The following GAB1 variants were observed in gnomAD, a reference collection of about 807,000 sequenced individuals.
GAB1 encodes GRB2 associated binding protein 1, also known as GRB2-associated-binding protein 1.
In GAB1, 19 loss-of-function variants were observed where a neutral mutation model predicts 66.5. The observed-to-expected ratio is 0.29, with a 90% CI of 0.20 to 0.42. GAB1 has a LOEUF of 0.42. Among genes scored for constraint, GAB1 ranks in the 10% least tolerant of loss-of-function variants. The probability of loss-of-function intolerance (pLI) is 1.00; values close to 1 mark genes in which losing one functional copy is unlikely to be tolerated. For missense variants in GAB1, 732 were observed against 858.5 expected (o/e 0.85, Z 1.84); for synonymous variants, 294 against 301.4 (o/e 0.98, Z 0.25).
intron 1 of GAB1, among the ~76,000 whole-genome samples, chr4:143,361,722 A>G (rs1225629873): frequency 1.3e-5 from 2 of 152,024 alleles, no homozygotes; most frequent in Admixed American, 1.3e-4. Context: ...TGCCTTTGGG[A>G]ACTGCATCAC....
rs1247778016 is a variant in GAB1, at chr4:143,471,309, G to A, written c.*2120G>A. ...TTTTCATTCTGAATAATTTAAAAAT[G>A]GTGATGTATTAGAAAGGCAGTTTGC... On this transcript the variant is annotated 3_prime_UTR_variant, in exon 10 of 10. Coordinates refer to ENST00000262994, the MANE Select transcript of GAB1 (RefSeq NM_002039.4). The A allele has an allele frequency of 6.6e-6, 1 of 152,072 alleles. No individual in the cohort carries two copies. Among genetic ancestry groups the A allele is most frequent in the Non-Finnish European group, 1.5e-5 (1 of 67,982 alleles). 9.4% of individuals were successfully genotyped at this position (152,072 alleles called of 1,614,324 possible).
intron 6 of GAB1, among the ~76,000 whole-genome samples, chr4:143,455,721 G>T (rs150717277): frequency 1.1e-4 from 16 of 152,326 alleles, no homozygotes; most frequent in African/African-American, 3.1e-4. Flanking sequence ...AGACATAAGT[G>T]TAGGAATGAG....
At chr4:143,372,267 G>A (rs991576137) in intron 1 of GAB1, among the ~76,000 whole-genome samples, 8 of 152,026 alleles carry the variant, frequency 5.3e-5, no homozygotes, top group Non-Finnish European at 7.4e-5. Context: ...TAGTTCTTCC[G>A]TTTGCTATTC....
At chr4:143,429,148 G>A (rs1189951280) in intron 2 of GAB1, among the ~76,000 whole-genome samples, 1 of 152,134 alleles carries the variant, frequency 6.6e-6, no homozygotes. Flanking sequence ...TATTGCCCAG[G>A]TGAGAGTGCA....
At chr4:143,446,714 G>C (rs1734569891) in intron 6 of GAB1, among the ~76,000 whole-genome samples, 1 of 152,086 alleles carries the variant, frequency 6.6e-6, no homozygotes, top group Non-Finnish European at 1.5e-5. Flanking sequence ...AGATGAGTAG[G>C]TTGCGAAAAT....
chr4:143,380,870 T>C (rs1482101690), intron 1 of GAB1: 1 of 152,268 alleles, frequency 6.6e-6, no homozygotes, highest in Non-Finnish European at 1.5e-5. Flanking sequence ...ATGCCAGATA[T>C]GCTTTCCGTT....
chr4:143,473,207 A>G lies in GAB1; in HGVS notation c.*4018A>G, dbSNP rs1736156271. 6.6e-6 allele frequency: 1 copy of G among 152,212 alleles called. No homozygotes were observed. Among genetic ancestry groups the G allele is most frequent in the African/African-American group, 2.4e-5 (1 of 41,456 alleles). The allele number at this position is 152,212 out of a possible 1,614,324, so 9.4% of individuals were successfully genotyped here. A position where few individuals can be genotyped will look rare whatever the true frequency, so the allele number is the denominator to read the frequency against. On this transcript the variant is annotated 3_prime_UTR_variant, in exon 10 of 10. Transcript: ENST00000262994. ...TCCCAAATTTTGACAACAAAATCAT[A>G]TGTATAAATTTATTTCTCCCCTCTT...
intron 1 of GAB1, chr4:143,349,565 C>G (rs925678980): frequency 6.6e-7 from 1 of 1,504,102 alleles, no homozygotes. Context: ...CCCCTGGGTG[C>G]AGGGATGAGG....
Position 143,415,485 on chromosome 4 carries a change from G to A in GAB1, c.81G>A (p.Lys27=), listed in dbSNP as rs1338275612. 6.2e-7 allele frequency: 1 copy of A among 1,600,474 alleles called. No homozygotes were observed. The highest frequency in any genetic ancestry group is 1.3e-5 in the African/African-American group (1 of 74,456). ...PEKKLKRYAW[K]RRWFVLRSGR... Reference sequence around the variant, plus strand: ...TTTTGTTTTGTTTCTAGGCATGGAAGAGGAGATGGTTCGTGTTACGCAGTG... The same window carrying A: ...TTTTGTTTTGTTTCTAGGCATGGAAAAGGAGATGGTTCGTGTTACGCAGTG... The change falls in exon 2 of 10, where the codon AAG becomes AAA. Residue 27 remains lysine, a synonymous_variant. Coordinates refer to ENST00000262994, the MANE Select transcript of GAB1 (RefSeq NM_002039.4).
chr4:143,361,915 G>GGT (rs1553944505), intron 1 of GAB1, among the ~76,000 whole-genome samples: 2 of 150,180 alleles, frequency 1.3e-5, no homozygotes, highest in Non-Finnish European at 3.0e-5. Context: ...GTTGTGTGTG[G>GGT]TTTTTTTTTG....
At chr4:143,353,098 G>C (rs1445755268) in intron 1 of GAB1, among the ~76,000 whole-genome samples, 1 of 152,186 alleles carries the variant, frequency 6.6e-6, no homozygotes, top group Non-Finnish European at 1.5e-5. Flanking sequence ...TTTATGAATA[G>C]CTTAAAGATG....
At chr4:143,352,868 A>G (rs1729285877) in intron 1 of GAB1, among the ~76,000 whole-genome samples, 1 of 152,246 alleles carries the variant, frequency 6.6e-6, no homozygotes, top group African/African-American at 2.4e-5. Context: ...TGCTGCTTAA[A>G]AAGATAAGCG....
intron 2 of GAB1, among the ~76,000 whole-genome samples, chr4:143,423,721 G>A (rs1277306336): frequency 1.4e-5 from 2 of 144,352 alleles, no homozygotes; most frequent in African/African-American, 5.1e-5. Context: ...AGCTTGCAAT[G>A]AGCCAGATCG....
intron 2 of GAB1, among the ~76,000 whole-genome samples, chr4:143,422,248 A>C (rs574803834): frequency 1.3e-5 from 2 of 152,324 alleles, no homozygotes; most frequent in East Asian, 3.9e-4. Context: ...AGCACACCAG[A>C]TAAATCATTA....
intron 1 of GAB1, chr4:143,349,915 A>T: frequency 7.0e-7 from 1 of 1,430,564 alleles, no homozygotes; most frequent in South Asian, 1.2e-5. Flanking sequence ...GAAGAGATAG[A>T]TCTCCTCCAG....
intron 8 of GAB1, among the ~76,000 whole-genome samples, chr4:143,462,068 A>G (rs11725272): frequency 0.24 from 37,129 of 152,150 alleles, 4,838 homozygotes; most frequent in Non-Finnish European, 0.3. Context: ...CCTGGGCAAC[A>G]TAGCGAGACC....
At chr4:143,347,711 TGTGTGAGACATTCTGGTAG>T (rs1473228844) in intron 1 of GAB1, among the ~76,000 whole-genome samples, 1 of 152,246 alleles carries the variant, frequency 6.6e-6, no homozygotes, top group Non-Finnish European at 1.5e-5. Context: ...TGATCAGTGA[TGTGTGAGACATTCTGGTAG>T]AAGAATCCAG....
At chr4:143,401,180 A>G (rs1482341671) in intron 1 of GAB1, among the ~76,000 whole-genome samples, 1 of 152,242 alleles carries the variant, frequency 6.6e-6, no homozygotes. Context: ...AAGTATAAAC[A>G]CTTGAATTGC....
intron 1 of GAB1, among the ~76,000 whole-genome samples, chr4:143,350,831 C>T (rs548849947): frequency 1.2e-4 from 18 of 152,254 alleles, no homozygotes; most frequent in Admixed American, 1.1e-3. Context: ...AGCTGTTTGA[C>T]TACTACGCAC....
Sources: gnomAD v4.1 joint callset for allele counts (sites outside exome capture counted in the v4.1 genomes callset) on GRCh38, gnomAD v4.1.1 for gene constraint, MANE v1.5 for transcripts, NCBI Gene and HGNC (gene_info 2026-07-23, HGNC 2026-07-21) for gene names.